The following RERE variants were observed in gnomAD, a reference collection of about 807,000 sequenced individuals.
RERE encodes the protein arginine-glutamic acid dipeptide repeats protein.
A neutral mutation model predicts 146.1 loss-of-function variants in RERE; 40 were observed. The ratio of observed to expected loss-of-function variants is 0.27; its 90% CI spans 0.21 to 0.36. The LOEUF (loss-of-function observed/expected upper bound fraction) is 0.36. Among genes scored for constraint, RERE ranks in the 10% least tolerant of loss-of-function variants. The pLI, the probability that RERE is intolerant of heterozygous loss-of-function variation, is 1.00. For synonymous variants in RERE, 1,003 were observed against 866.0 expected (o/e 1.16, Z -2.78); for missense variants, 1,933 against 2,138.7 (o/e 0.90, Z 1.90).
intron 2 of RERE, among the ~76,000 whole-genome samples, chr1:8,653,676 C>A (rs2124325570): frequency 4.1e-5 from 5 of 121,470 alleles, no homozygotes; most frequent in East Asian, 4.7e-4. Flanking sequence ...GCCTAAGCAA[C>A]AGAGCGAGAC....
At chr1:8,509,434 ATCCGTCCG>A (rs753386503) in intron 7 of RERE, among the ~76,000 whole-genome samples, 19 of 115,728 alleles carry the variant, frequency 1.6e-4, no homozygotes, top group Non-Finnish European at 2.2e-4. Flanking sequence ...CCATCCATCC[ATCCGTCCG>A]TCCGTCCGTC....
chr1:8,699,029 G>T (rs144277053), intron 1 of RERE, among the ~76,000 whole-genome samples: 2 of 152,120 alleles, frequency 1.3e-5, no homozygotes, highest in African/African-American at 4.8e-5. Flanking sequence ...TAAGTTTCAC[G>T]AATCATCATG....
chr1:8,374,576 C>G (rs997395528), intron 12 of RERE, among the ~76,000 whole-genome samples: 3 of 152,154 alleles, frequency 2.0e-5, no homozygotes, highest in African/African-American at 7.2e-5. Flanking sequence ...CACAGCTCTT[C>G]CCTGGGCCGG....
intron 12 of RERE, among the ~76,000 whole-genome samples, chr1:8,404,972 T>C (rs1164273481): frequency 1.3e-5 from 2 of 152,192 alleles, no homozygotes; most frequent in Non-Finnish European, 2.9e-5. Context: ...CTTCTCTGAC[T>C]CTGGATAAAC....
chr1:8,458,626 G>C (rs186795390), intron 11 of RERE, among the ~76,000 whole-genome samples: 285 of 152,302 alleles, frequency 1.9e-3, no homozygotes, highest in African/African-American at 6.5e-3. Flanking sequence ...ACAGCACAAG[G>C]TATGCTGGCT....
At chr1:8,792,009 C>T (rs1641373141) in intron 1 of RERE, among the ~76,000 whole-genome samples, 1 of 151,998 alleles carries the variant, frequency 6.6e-6, no homozygotes, top group Non-Finnish European at 1.5e-5. Context: ...GGGAGGATCG[C>T]TTGAGCCCAG....
At chr1:8,617,268 CAGA>C (rs971939278) in intron 3 of RERE, among the ~76,000 whole-genome samples, 3 of 138,890 alleles carry the variant, frequency 2.2e-5, no homozygotes, top group Admixed American at 8.0e-5. Flanking sequence ...CGCTTGAACC[CAGA>C]GGCGGAGGCT....
At chr1:8,491,615 C>G (rs1644981253) in intron 10 of RERE, among the ~76,000 whole-genome samples, 1 of 152,066 alleles carries the variant, frequency 6.6e-6, no homozygotes, top group Admixed American at 6.6e-5. Flanking sequence ...AAGATCCTGC[C>G]TCAAACAAAC....
intron 11 of RERE, among the ~76,000 whole-genome samples, chr1:8,437,665 C>A (rs556277361): frequency 4.6e-5 from 7 of 152,168 alleles, no homozygotes; most frequent in Non-Finnish European, 7.3e-5. Flanking sequence ...GGAGCATGAA[C>A]ACAGCTGTGT....
rs1208959726 is a variant in RERE at position 8,712,878 on chromosome 1, A to T, written c.-144-56437T>A. Among the ~76,000 whole-genome samples the T allele has an allele frequency of 3.9e-5, 6 of 152,204 alleles. No homozygotes were observed. In the South Asian group the frequency reaches 1.2e-3, roughly 32 times the overall value. Reference sequence around the variant, plus strand: ...AGGTCAGAAAAGCTTTAAAAACAGGAAGTCTGTGCTATAAGGTTGAGAAAT... The same window carrying T: ...AGGTCAGAAAAGCTTTAAAAACAGGTAGTCTGTGCTATAAGGTTGAGAAAT... On this transcript the variant is annotated intron_variant, in intron 1 of 22. Transcript: ENST00000400908.
intron 1 of RERE, among the ~76,000 whole-genome samples, chr1:8,679,523 A>G (rs1344707380): frequency 3.9e-5 from 6 of 152,102 alleles, no homozygotes; most frequent in Non-Finnish European, 7.3e-5. Context: ...CTCACTCAAC[A>G]TATTATACCA....
intron 11 of RERE, among the ~76,000 whole-genome samples, chr1:8,432,884 C>T (rs1419281693): frequency 6.6e-6 from 1 of 152,094 alleles, no homozygotes; most frequent in East Asian, 1.9e-4. Flanking sequence ...TACTTGGACT[C>T]TCAGTGCAGA....
At chr1:8,632,904 G>A (rs979251750) in intron 2 of RERE, among the ~76,000 whole-genome samples, 1 of 151,976 alleles carries the variant, frequency 6.6e-6, no homozygotes, top group Admixed American at 6.6e-5. Context: ...CTACTAATAC[G>A]GATTTTTTTA....
At chr1:8,781,432 G>A (rs1200037746) in intron 1 of RERE, among the ~76,000 whole-genome samples, 2 of 152,006 alleles carry the variant, frequency 1.3e-5, no homozygotes, top group African/African-American at 2.4e-5. Flanking sequence ...GCTGTGGTAG[G>A]AGGGTTGCTT....
intron 7 of RERE, chr1:8,519,727 T>C (rs932200378): frequency 3.9e-5 from 6 of 152,184 alleles, no homozygotes; most frequent in Non-Finnish European, 8.8e-5. Context: ...TCCACCCATA[T>C]CACAGTCAGG....
chr1:8,694,590 C>T (rs1455245088), intron 1 of RERE, among the ~76,000 whole-genome samples: 2 of 152,046 alleles, frequency 1.3e-5, no homozygotes, highest in Non-Finnish European at 2.9e-5. Flanking sequence ...GAAACCCCAT[C>T]TCTACTAAAA....
chr1:8,816,016 C>T (rs1050930527), intron 1 of RERE, among the ~76,000 whole-genome samples: 1 of 152,070 alleles, frequency 6.6e-6, no homozygotes, highest in Non-Finnish European at 1.5e-5. Flanking sequence ...ATCCATGGAA[C>T]AAAATATCAA....
chr1:8,725,382 A>G (rs1221064092), intron 1 of RERE, among the ~76,000 whole-genome samples: 1 of 152,202 alleles, frequency 6.6e-6, no homozygotes, highest in East Asian at 1.9e-4. Context: ...CCTGACCAAC[A>G]TGGTAAAGCC....
At chr1:8,780,453 A>AT (rs1641144051) in intron 1 of RERE, among the ~76,000 whole-genome samples, 1 of 152,198 alleles carries the variant, frequency 6.6e-6, no homozygotes, top group Admixed American at 6.5e-5. Context: ...AGAATCATCC[A>AT]TTTTTAACTC....
Sources: allele counts gnomAD v4.1 joint callset (sites outside exome capture counted in the v4.1 genomes callset), GRCh38; gene constraint gnomAD v4.1.1; transcripts MANE v1.5; gene names NCBI Gene and HGNC (gene_info 2026-07-23, HGNC 2026-07-21).